Variants in CACNA1E observed in about 807,000 individuals in gnomAD.
CACNA1E encodes calcium voltage-gated channel subunit alpha1 E, also known as voltage-dependent R-type calcium channel subunit alpha-1E.
CACNA1E carries 40 observed loss-of-function variants against 259.2 expected under a neutral mutation model. That is an observed-to-expected ratio of 0.15 (90% CI 0.12 to 0.20). CACNA1E has a LOEUF of 0.20. CACNA1E is among the 10% of genes least tolerant of loss of function. The probability of loss-of-function intolerance (pLI) is 1.00; values close to 1 mark genes in which losing one functional copy is unlikely to be tolerated. For synonymous variants in CACNA1E, 1,104 were observed against 1,138.5 expected (o/e 0.97, Z 0.61); for missense variants, 1,874 against 3,040.1 (o/e 0.62, Z 9.02).
intron 6 of CACNA1E, among the ~76,000 whole-genome samples, chr1:181,600,301 C>T (rs1422219358): frequency 6.6e-6 from 1 of 152,118 alleles, no homozygotes; most frequent in Admixed American, 6.5e-5. Context: ...GGTTGGGCCT[C>T]GTTGACTGTG....
At chr1:181,443,214 G>A (rs1228985129) in intron 2 of CACNA1E, among the ~76,000 whole-genome samples, 2 of 152,224 alleles carry the variant, frequency 1.3e-5, no homozygotes, top group Non-Finnish European at 2.9e-5. Context: ...AAAAATGTGT[G>A]AAAGCACTAT....
At chr1:181,534,572 C>T (rs763625487) in intron 3 of CACNA1E, among the ~76,000 whole-genome samples, 8 of 152,050 alleles carry the variant, frequency 5.3e-5, no homozygotes, top group East Asian at 3.9e-4. Context: ...GCTTGGGTGA[C>T]GGCTACACTA....
At chr1:181,348,791 T>C (rs1417086474) in intron 1 of CACNA1E, among the ~76,000 whole-genome samples, 1 of 152,204 alleles carries the variant, frequency 6.6e-6, no homozygotes, top group Non-Finnish European at 1.5e-5. Flanking sequence ...GAGACATCGA[T>C]GTCTACTTAC....
rs1386661809 is a variant in CACNA1E, at chr1:181,793,685, A to G, written c.5919A>G (p.Leu1973=). 1 of 1,610,196 alleles carries G rather than the reference A, an allele frequency of 6.2e-7. No homozygotes were observed. The change falls in exon 45 of 48, where the codon TTA becomes TTG. Residue 1973 remains leucine, a synonymous_variant. Coordinates refer to ENST00000367573, the MANE Select transcript of CACNA1E (RefSeq NM_001205293.3). Reference sequence around the variant, plus strand: ...TCCAGGAGCCAGAGGTTAGTGAATTAAAAAGCGTGCAGCCCTCTAACCATG... The same window carrying G: ...TCCAGGAGCCAGAGGTTAGTGAATTGAAAAGCGTGCAGCCCTCTAACCATG... ...RQSLEPEVSE[L]KSVQPSNHGI...
chr1:181,527,731 C>T (rs891772843), intron 3 of CACNA1E, among the ~76,000 whole-genome samples: 3 of 152,108 alleles, frequency 2.0e-5, no homozygotes, highest in African/African-American at 7.2e-5. Context: ...TCATTACTTA[C>T]TTCCCATGCC....
At chr1:181,670,432 T>G (rs1422406632) in intron 7 of CACNA1E, among the ~76,000 whole-genome samples, 2 of 152,208 alleles carry the variant, frequency 1.3e-5, no homozygotes, top group South Asian at 2.1e-4. Context: ...TCCCAAAATA[T>G]TCTTCATTTA....
chr1:181,615,049 C>G (rs1040329774), intron 6 of CACNA1E, among the ~76,000 whole-genome samples: 12 of 152,178 alleles, frequency 7.9e-5, no homozygotes, highest in African/African-American at 2.9e-4. Context: ...TGCATTGAAT[C>G]TATAGAATAT....
At chr1:181,660,880 G>GC (rs1322179519) in intron 7 of CACNA1E, among the ~76,000 whole-genome samples, 4 of 152,214 alleles carry the variant, frequency 2.6e-5, no homozygotes, top group Non-Finnish European at 4.4e-5. Flanking sequence ...ACTGACTCAC[G>GC]CAAGAGTTAC....
chr1:181,466,343 G>C (rs1662154866), intron 2 of CACNA1E, among the ~76,000 whole-genome samples: 1 of 151,170 alleles, frequency 6.6e-6, no homozygotes, highest in Non-Finnish European at 1.5e-5. Context: ...AGGAGTTTGA[G>C]AACAGCCTGG....
intron 1 of CACNA1E, among the ~76,000 whole-genome samples, chr1:181,489,703 C>T (rs1408929457): frequency 3.3e-5 from 5 of 152,160 alleles, no homozygotes; most frequent in South Asian, 2.1e-4. Context: ...AAATGCTGAA[C>T]GACTAGGCTA....
chr1:181,526,603 A>G (rs1667377113), intron 3 of CACNA1E, among the ~76,000 whole-genome samples: 1 of 152,182 alleles, frequency 6.6e-6, no homozygotes, highest in African/African-American at 2.4e-5. Context: ...TATCATTTTG[A>G]TCTTGAAATC....
At chr1:181,377,855 C>A (rs1042644980) in intron 1 of CACNA1E, among the ~76,000 whole-genome samples, 2 of 152,212 alleles carry the variant, frequency 1.3e-5, no homozygotes, top group Non-Finnish European at 2.9e-5. Context: ...TATTTGTACT[C>A]AGGCAGTCTG....
At chr1:181,338,331 C>G (rs758398622) in intron 1 of CACNA1E, among the ~76,000 whole-genome samples, 1 of 152,070 alleles carries the variant, frequency 6.6e-6, no homozygotes, top group African/African-American at 2.4e-5. Flanking sequence ...GTGATCTGCC[C>G]GTCTCAGCCT....
At position 181,793,752 on chromosome 1, in the gene CACNA1E, G is replaced by A. The variant is rs775787704; in HGVS notation, c.5986G>A (p.Gly1996Arg). Reference sequence around the variant, plus strand: ...GGACACCCAGGAGCATGCGGGATCTGGGAGGGCATCTTCTATGCCACGTCT... The same window carrying A: ...GGACACCCAGGAGCATGCGGGATCTAGGAGGGCATCTTCTATGCCACGTCT... ...PSDTQEHAGS[G>R]RASSMPRLTV... The change falls in exon 45 of 48, where the codon GGG (glycine) becomes AGG (arginine). Residue 1996 changes from glycine (G) to arginine (R), a missense_variant. Gly to Arg is a moderately radical substitution (Grantham distance 125). Transcript: ENST00000367573. 3 of 1,611,816 alleles carry A rather than the reference G, an allele frequency of 1.9e-6. No individual in the cohort carries two copies. Among genetic ancestry groups the A allele is most frequent in the Non-Finnish European group, 2.5e-6 (3 of 1,179,480 alleles).
chr1:181,661,487 G>T (rs1041277953), intron 7 of CACNA1E, among the ~76,000 whole-genome samples: 3 of 152,122 alleles, frequency 2.0e-5, no homozygotes. Flanking sequence ...CTTCTGGATT[G>T]CTTTTAGGTT....
At chr1:181,606,790 C>G (rs1654279876) in intron 6 of CACNA1E, among the ~76,000 whole-genome samples, 1 of 152,236 alleles carries the variant, frequency 6.6e-6, no homozygotes, top group Non-Finnish European at 1.5e-5. Context: ...CCATCAACCT[C>G]AGAACCTTTG....
intron 3 of CACNA1E, among the ~76,000 whole-genome samples, chr1:181,540,147 C>T (rs953709306): frequency 3.9e-5 from 6 of 152,098 alleles, no homozygotes; most frequent in South Asian, 4.1e-4. Context: ...CAAAATCCCC[C>T]GATGTAAACG....
intron 34 of CACNA1E, among the ~76,000 whole-genome samples, chr1:181,763,881 C>A (rs1276905229): frequency 2.0e-4 from 30 of 152,194 alleles, no homozygotes; most frequent in Admixed American, 2.0e-3. Context: ...AAAGAGCCAG[C>A]CATCTGTAGT....
At chr1:181,517,357 G>T (rs774287194) in intron 3 of CACNA1E, among the ~76,000 whole-genome samples, 2 of 152,062 alleles carry the variant, frequency 1.3e-5, no homozygotes, top group Non-Finnish European at 2.9e-5. Flanking sequence ...ACCTGCAGAG[G>T]TCAGCAGGGG....
Sources: allele counts gnomAD v4.1 joint callset (sites outside exome capture counted in the v4.1 genomes callset), GRCh38; gene constraint gnomAD v4.1.1; transcripts MANE v1.5; gene names NCBI Gene and HGNC (gene_info 2026-07-23, HGNC 2026-07-21).